The following KIAA1217 variants were observed in gnomAD, a reference collection of about 807,000 sequenced individuals.
KIAA1217 encodes the protein KIAA1217.
A neutral mutation model predicts 163.9 loss-of-function variants in KIAA1217; 88 were observed. The observed-to-expected ratio is 0.54, with a 90% CI of 0.45 to 0.64. KIAA1217 has a LOEUF of 0.64. Ranked by LOEUF, KIAA1217 falls within the 30% of genes least tolerant of loss-of-function variation. KIAA1217 has a pLI of 0.00. For synonymous variants in KIAA1217, 903 were observed against 923.1 expected, an observed-to-expected ratio of 0.98 and a Z score of 0.39; for missense variants, 2,372 against 2,475.0, an observed-to-expected ratio of 0.96 and a Z score of 0.88.
intron 1 of KIAA1217, among the ~76,000 whole-genome samples, chr10:23,955,010 A>G (rs970834647): frequency 6.6e-6 from 1 of 152,134 alleles, no homozygotes; most frequent in Non-Finnish European, 1.5e-5. Flanking sequence ...AAAGGAAGAT[A>G]ATAATAATAA....
chr10:24,465,904 C>G (rs2062895984), intron 5 of KIAA1217, among the ~76,000 whole-genome samples: 1 of 152,116 alleles, frequency 6.6e-6, no homozygotes, highest in Non-Finnish European at 1.5e-5. Context: ...CTCTGCACAG[C>G]CCTGGTTTGC....
chr10:24,060,059 G>T (rs541340642), intron 2 of KIAA1217, among the ~76,000 whole-genome samples: 2 of 151,920 alleles, frequency 1.3e-5, no homozygotes, highest in East Asian at 3.9e-4. Context: ...ATTTCTGATT[G>T]TCTTTGAGTC....
rs559313300 is a variant in KIAA1217 at position 24,071,505 on chromosome 10, A to G, written c.-171+64131A>G. Among the ~76,000 whole-genome samples the G allele has an allele frequency of 2.9e-4, 44 of 152,310 alleles. 1 individual carries two copies. The highest frequency in any genetic ancestry group is 3.4e-3 in the Middle Eastern group (1 of 294). On this transcript the variant is annotated intron_variant, in intron 2 of 18. Coordinates refer to the KIAA1217 transcript ENST00000376462. ...AGAATAGGGTTAATTTAAAAAAAAA[A>G]GAACTCTTTCTTTACAACTTAATAT...
chr10:24,545,233 C>T lies in KIAA1217; in HGVS notation c.5334+130C>T, dbSNP rs551922602. The T allele has an allele frequency of 2.1e-6, 3 of 1,458,518 alleles. 1 individual carries two copies. The South Asian group carries it at 4.5e-5, about 22-fold the overall frequency. The allele number at this position is 1,458,518 out of a possible 1,614,324, so 90.3% of individuals were successfully genotyped here. ...TACATAGACATCCTGGATCTGGGGGCATGAAGAAAGTCTAAATAAACCTTT... is the reference window on the plus strand; with the variant it reads ...TACATAGACATCCTGGATCTGGGGGTATGAAGAAAGTCTAAATAAACCTTT... On this transcript the variant is annotated intron_variant, in intron 20 of 20. Coordinates refer to ENST00000376454, the MANE Select transcript of KIAA1217 (RefSeq NM_019590.5).
chr10:23,782,447 T>G (rs183695885), intron 1 of KIAA1217, among the ~76,000 whole-genome samples: 1 of 152,200 alleles, frequency 6.6e-6, no homozygotes, highest in Non-Finnish European at 1.5e-5. Context: ...TTTTATTTAT[T>G]TAGAGACAGA....
intron 1 of KIAA1217, among the ~76,000 whole-genome samples, chr10:23,736,428 G>A (rs1384275711): frequency 6.6e-6 from 1 of 152,148 alleles, no homozygotes; most frequent in African/African-American, 2.4e-5. Context: ...TCCTGTATGA[G>A]AGACTCAGTG....
intron 2 of KIAA1217, among the ~76,000 whole-genome samples, chr10:24,142,528 C>T (rs2064130942): frequency 6.6e-6 from 1 of 152,062 alleles, no homozygotes; most frequent in South Asian, 2.1e-4. Context: ...GTGATGAGTG[C>T]ACTAAAATCC....
chr10:24,357,538 C>T (rs1475131382), intron 2 of KIAA1217, among the ~76,000 whole-genome samples: 2 of 152,160 alleles, frequency 1.3e-5, no homozygotes, highest in African/African-American at 4.8e-5. Context: ...AGCAGCACAC[C>T]CGCAGGCAGC....
In KIAA1217 at chr10:24,045,977, T is replaced by C. The variant is rs148066280; in HGVS notation, c.-171+38603T>C. Among the ~76,000 whole-genome samples, 438 of 152,300 alleles carry C rather than the reference T, an allele frequency of 2.9e-3. 2 individuals carry two copies. Among genetic ancestry groups the C allele is most frequent in the African/African-American group, 9.4e-3 (389 of 41,568 alleles). ...GTGAATGTTGAAGTGTATGTGTTGA[T>C]ATATGTCAATAATTTTATTCAGGAT... On this transcript the variant is annotated intron_variant, in intron 2 of 18. Coordinates refer to the KIAA1217 transcript ENST00000376462.
intron 1 of KIAA1217, among the ~76,000 whole-genome samples, chr10:23,971,613 GA>G (rs1845321001): frequency 2.6e-5 from 4 of 152,076 alleles, no homozygotes; most frequent in African/African-American, 9.7e-5. Flanking sequence ...ATAGCAATTG[GA>G]TACCAACATG....
intron 1 of KIAA1217, among the ~76,000 whole-genome samples, chr10:23,861,730 A>G (rs1839958882): frequency 6.6e-6 from 1 of 152,162 alleles, no homozygotes; most frequent in Non-Finnish European, 1.5e-5. Context: ...CCAACTGGCC[A>G]TCAGCAAGGA....
intron 2 of KIAA1217, among the ~76,000 whole-genome samples, chr10:24,056,530 A>T (rs2060538685): frequency 6.6e-6 from 1 of 152,150 alleles, no homozygotes; most frequent in Non-Finnish European, 1.5e-5. Flanking sequence ...GGAAAAAAAA[A>T]ATCCAAAAGC....
At chr10:24,260,809 T>A (rs966681845) in intron 2 of KIAA1217, among the ~76,000 whole-genome samples, 1 of 152,114 alleles carries the variant, frequency 6.6e-6, no homozygotes, top group Non-Finnish European at 1.5e-5. Context: ...CATTTAGACA[T>A]CATACCTTTT....
At chr10:23,830,152 T>G (rs1418234514) in intron 1 of KIAA1217, among the ~76,000 whole-genome samples, 1 of 152,164 alleles carries the variant, frequency 6.6e-6, no homozygotes, top group Non-Finnish European at 1.5e-5. Context: ...AAATATCCCC[T>G]TTTTTGGGTA....
intron 2 of KIAA1217, among the ~76,000 whole-genome samples, chr10:24,182,449 C>CACACACAA (rs1184844782): frequency 6.6e-6 from 1 of 151,660 alleles, no homozygotes; most frequent in Non-Finnish European, 1.5e-5. Flanking sequence ...CACACACACA[C>CACACACAA]ACACACACAC....
intron 9 of KIAA1217, among the ~76,000 whole-genome samples, chr10:24,504,123 C>T (rs1277965675): frequency 2.0e-5 from 3 of 152,170 alleles, no homozygotes; most frequent in South Asian, 2.1e-4. Context: ...ACACTTGTCT[C>T]GCCTTGCAAC....
chr10:24,065,465 C>G (rs548612024), intron 2 of KIAA1217, among the ~76,000 whole-genome samples: 1 of 152,188 alleles, frequency 6.6e-6, no homozygotes, highest in South Asian at 2.1e-4. Flanking sequence ...GAGTGAGTTT[C>G]TTACTCCTGA....
chr10:24,230,300 A>G (rs771106087), intron 2 of KIAA1217, among the ~76,000 whole-genome samples: 1 of 152,082 alleles, frequency 6.6e-6, no homozygotes, highest in Non-Finnish European at 1.5e-5. Flanking sequence ...TATCTGCATT[A>G]TATACTTACT....
At chr10:24,401,573 C>A (rs1316262543) in intron 3 of KIAA1217, among the ~76,000 whole-genome samples, 1 of 152,036 alleles carries the variant, frequency 6.6e-6, no homozygotes, top group East Asian at 1.9e-4. Flanking sequence ...AAACTCCCAG[C>A]AAACTAGGAA....
Sources: allele counts gnomAD v4.1 joint callset (sites outside exome capture counted in the v4.1 genomes callset), GRCh38; gene constraint gnomAD v4.1.1; transcripts MANE v1.5; gene names NCBI Gene and HGNC (gene_info 2026-07-23, HGNC 2026-07-21).